The following LVRN variants were observed in gnomAD, a reference collection of about 807,000 sequenced individuals.
The protein encoded by LVRN is aminopeptidase Q.
A neutral mutation model predicts 111.4 loss-of-function variants in LVRN; 99 were observed. The ratio of observed to expected loss-of-function variants is 0.89; its 90% CI spans 0.76 to 1.05. The LOEUF is 1.05. Among genes scored for constraint, LVRN ranks in the 50% least tolerant of loss-of-function variants. The probability of loss-of-function intolerance (pLI) is 0.00; values close to 1 mark genes in which losing one functional copy is unlikely to be tolerated. For synonymous variants in LVRN, 488 were observed against 449.5 expected (o/e 1.09, Z -1.08); for missense variants, 1,414 against 1,206.8 (o/e 1.17, Z -2.54).
At chr5:115,980,471 A>C (rs943131913) in intron 1 of LVRN, among the ~76,000 whole-genome samples, 1 of 152,144 alleles carries the variant, frequency 6.6e-6, no homozygotes, top group African/African-American at 2.4e-5. Flanking sequence ...ACTTATTTGG[A>C]GACCTGAATC....
chr5:116,003,467 G>T, intron 12 of LVRN, 87 bp downstream of exon 12: 1 of 876,208 alleles, frequency 1.1e-6, no homozygotes, highest in Non-Finnish European at 1.6e-6. Flanking sequence ...GGTGGGAAGA[G>T]ATTCCACCTT....
intron 1 of LVRN, among the ~76,000 whole-genome samples, chr5:115,977,667 G>T (rs1238118458): frequency 6.6e-6 from 1 of 152,118 alleles, no homozygotes; most frequent in African/African-American, 2.4e-5. Flanking sequence ...CATTGGAAAG[G>T]ACCCCAGGCT....
intron 13 of LVRN, 162 bp from the exon 14 acceptor site, chr5:116,010,579 G>A: frequency 1.3e-6 from 1 of 768,616 alleles, no homozygotes. Context: ...CTTTGCTTGG[G>A]TTTCATCCTT....
At chr5:116,014,289 AAAAC>A in intron 15 of LVRN, 127 bp from the exon 16 acceptor site, 1 of 676,390 alleles carries the variant, frequency 1.5e-6, no homozygotes, top group Admixed American at 3.1e-5. Context: ...ACAATTTTTT[AAAAC>A]AAACCTGATG....
rs148896534 is a variant in LVRN at position 115,995,879 on chromosome 5, C to G, written c.1374+2025C>G. Among the ~76,000 whole-genome samples, 632 of 152,292 alleles carry G rather than the reference C, an allele frequency of 4.1e-3. 2 individuals carry two copies. Among genetic ancestry groups the G allele is most frequent in the Middle Eastern group, 6.8e-3 (2 of 294 alleles). ...TTCCAGGTCAGGCCAACTGCGAAGC[C>G]CATGCTTTTAACCACTGTGCTCTAT... On this transcript the variant is annotated intron_variant, in intron 6 of 19. Transcript: ENST00000357872.
chr5:115,992,397 T>A, intron 5 of LVRN, 120 bp downstream of exon 5: 1 of 1,168,282 alleles, frequency 8.6e-7, no homozygotes, highest in Non-Finnish European at 1.2e-6. Context: ...GAAAAACATC[T>A]CAAAGTATGA....
intron 1 of LVRN, among the ~76,000 whole-genome samples, chr5:115,977,461 G>C (rs1753472524): frequency 6.6e-6 from 1 of 152,068 alleles, no homozygotes; most frequent in South Asian, 2.1e-4. Context: ...TATATATTTT[G>C]TCAGGTTTTA....
At chr5:116,000,408 T>G in intron 7 of LVRN, 25 bp from the exon 8 acceptor site, 30 of 1,612,198 alleles carry the variant, frequency 1.9e-5, no homozygotes, top group Non-Finnish European at 2.5e-5. Context: ...TTTGTTCAAA[T>G]AATGGACAGC....
intron 1 of LVRN, among the ~76,000 whole-genome samples, chr5:115,970,539 C>A (rs541264750): frequency 3.3e-5 from 5 of 152,084 alleles, no homozygotes; most frequent in Non-Finnish European, 1.5e-5. Flanking sequence ...CGCGCCACCA[C>A]ACCTGGCTAA....
At position 115,962,694 on chromosome 5, in the gene LVRN, T is replaced by C. The variant is rs953618097; in HGVS notation, c.77T>C (p.Leu26Pro). 5.6e-6 allele frequency: 9 copies of C among 1,610,666 alleles called. No homozygotes were observed. The highest frequency in any genetic ancestry group is 1.7e-5 in the Admixed American group (1 of 59,948). ...CTGCTGGCTGGGCTGGTAGCCGCCC[T>C]CCTGCTGGCGCTGGCCGTACTCGCC... ...ALLLAGLVAA[L>P]LLALAVLAAL... Residue 26 changes from leucine (L) to proline (P), a missense_variant, in exon 1 of 20, where the codon CTC becomes CCC. By Grantham distance (98) the Leu-to-Pro change is moderately conservative (BLOSUM62 -3). Coordinates refer to ENST00000357872, the MANE Select transcript of LVRN (RefSeq NM_173800.5).
At chr5:115,999,417 T>C (rs1461056583) in intron 6 of LVRN, among the ~76,000 whole-genome samples, 1 of 152,204 alleles carries the variant, frequency 6.6e-6, no homozygotes, top group African/African-American at 2.4e-5. Context: ...ATAAAATTAC[T>C]GATGAAATTT....
chr5:116,003,502 A>T (rs1453215387), intron 12 of LVRN, 122 bp downstream of exon 12: 1 of 544,132 alleles, frequency 1.8e-6, no homozygotes, highest in African/African-American at 2.0e-5. Context: ...ACCTCCAGGC[A>T]TGCAAAAGAT....
rs145258522 is a variant in LVRN at position 116,010,876 on chromosome 5, T to C, written c.2229T>C (p.Asp743=). 1.3e-3 allele frequency: 2,124 copies of C among 1,588,426 alleles called. 3 individuals are homozygous for C. Among genetic ancestry groups the C allele is most frequent in the Non-Finnish European group, 1.6e-3 (1,876 of 1,170,206 alleles). The change falls in exon 14 of 20, where the codon GAT becomes GAC. Residue 743 remains aspartate (D), a synonymous_variant. Coordinates refer to ENST00000357872, the MANE Select transcript of LVRN (RefSeq NM_173800.5). ...RDLVSEVNIY[D]IYSLLKRYLL... The stretch of plus-strand genomic sequence containing the variant: ...TTGTTTCTGAGGTGAACATCTATGA[T>C]ATATACTCATTATTAAAGGTAATTT...
intron 6 of LVRN, among the ~76,000 whole-genome samples, chr5:115,998,094 T>C (rs1043373698): frequency 6.6e-6 from 1 of 152,192 alleles, no homozygotes; most frequent in African/African-American, 2.4e-5. Flanking sequence ...AGCAAAAAGC[T>C]GAAAGTAACT....
intron 4 of LVRN, among the ~76,000 whole-genome samples, chr5:115,990,899 T>G (rs996918988): frequency 3.3e-5 from 5 of 152,174 alleles, no homozygotes; most frequent in Non-Finnish European, 7.3e-5. Flanking sequence ...TAGACTATTT[T>G]TAGAGCAGTT....
rs142407435 is a variant in LVRN, at chr5:115,989,607, G to T, written c.1105+1668G>T. Among the ~76,000 whole-genome samples the T allele has an allele frequency of 7.7e-3, 1,174 of 152,258 alleles. 2 individuals are homozygous for T. The highest frequency in any genetic ancestry group is 0.012 in the Non-Finnish European group (786 of 68,022). On this transcript the variant is annotated intron_variant, in intron 4 of 19. Coordinates refer to ENST00000357872, the MANE Select transcript of LVRN (RefSeq NM_173800.5). ...TGCCTCTAGAACCTATGGCAGTCAG[G>T]TGGTCAACAGTAAACTTTTTGTGGG...
rs1311817749 is a variant in LVRN at position 116,011,247 on chromosome 5, T to C, written c.2247+353T>C. ...TATTAGCAACTATTTTCCTAAGAGA[T>C]TGTTAGGCAGCCAGAATGAAATGTA... On this transcript the variant is annotated intron_variant, in intron 14 of 19. Transcript: ENST00000357872. Among the ~76,000 whole-genome samples the C allele has an allele frequency of 3.3e-5, 5 of 151,600 alleles. No homozygotes were observed. The East Asian group carries it at 5.8e-4, about 18-fold the overall frequency.
chr5:115,993,034 C>T (rs1045320732), intron 5 of LVRN, among the ~76,000 whole-genome samples: 3 of 152,126 alleles, frequency 2.0e-5, no homozygotes, highest in East Asian at 1.9e-4. Context: ...TTAAGTCACC[C>T]GAAGTGTCAT....
chr5:115,992,392 A>T (rs1176174009), intron 5 of LVRN, 115 bp downstream of exon 5: 1 of 1,225,542 alleles, frequency 8.2e-7, no homozygotes, highest in Admixed American at 2.3e-5. Context: ...AAAAAGAAAA[A>T]CATCTCAAAG....
Sources: gnomAD v4.1 joint callset for allele counts (sites outside exome capture counted in the v4.1 genomes callset) on GRCh38, gnomAD v4.1.1 for gene constraint, MANE v1.5 for transcripts, NCBI Gene and HGNC (gene_info 2026-07-23, HGNC 2026-07-21) for gene names.